Variants in CSNK2A1 observed in about 807,000 individuals in gnomAD.
CSNK2A1 encodes the protein casein kinase 2 alpha 1.
Under a neutral mutation model 62.9 loss-of-function variants are expected in CSNK2A1, and 10 were observed. That is an observed-to-expected ratio of 0.16 (90% CI 0.10 to 0.27). The LOEUF (loss-of-function observed/expected upper bound fraction) is 0.27. CSNK2A1 is among the 10% of genes least tolerant of loss of function. CSNK2A1 has a pLI of 1.00. For missense variants in CSNK2A1, 160 were observed against 492.0 expected (o/e 0.33, Z 6.38); for synonymous variants, 124 against 167.8 (o/e 0.74, Z 2.02).
intron 2 of CSNK2A1, among the ~76,000 whole-genome samples, chr20:522,838 T>C (rs1289358346): frequency 5.3e-5 from 8 of 152,060 alleles, no homozygotes; most frequent in African/African-American, 1.2e-4. Flanking sequence ...CCTAAGTAGC[T>C]AGGACTACAG....
At chr20:543,358 C>A (rs2122153352) in intron 1 of CSNK2A1, 1 of 190,020 alleles carries the variant, frequency 5.3e-6, no homozygotes, top group East Asian at 1.2e-4. Flanking sequence ...TCTGACGACC[C>A]CCTCCTCCAA....
intron 2 of CSNK2A1, among the ~76,000 whole-genome samples, chr20:516,503 G>A (rs2018831626): frequency 6.6e-6 from 1 of 152,060 alleles, no homozygotes; most frequent in Non-Finnish European, 1.5e-5. Context: ...AAACCATAAG[G>A]AAAAATTGTC....
At chr20:540,640 T>A (rs2019431047) in intron 1 of CSNK2A1, among the ~76,000 whole-genome samples, 1 of 152,166 alleles carries the variant, frequency 6.6e-6, no homozygotes, top group Non-Finnish European at 1.5e-5. Flanking sequence ...GCTCAAGCGA[T>A]CCTCCTGTGT....
At chr20:543,560 G>A (rs1288112981) in intron 1 of CSNK2A1, 112 bp downstream of exon 1, 4 of 396,662 alleles carry the variant, frequency 1.0e-5, no homozygotes, top group Admixed American at 4.4e-5. Context: ...GCAGGGGAAG[G>A]CGACGGGCCG....
At chr20:500,811 G>T (rs2018450788) in intron 4 of CSNK2A1, 1 of 151,820 alleles carries the variant, frequency 6.6e-6, no homozygotes, top group Non-Finnish European at 1.5e-5. Flanking sequence ...GCTAATTTTT[G>T]TATTTTTAGT....
At chr20:523,294 TCA>T (rs1236733781) in intron 2 of CSNK2A1, among the ~76,000 whole-genome samples, 7 of 152,142 alleles carry the variant, frequency 4.6e-5, no homozygotes, top group Admixed American at 4.6e-4. Context: ...GCAATCCAAC[TCA>T]CAGTTATTTA....
intron 1 of CSNK2A1, among the ~76,000 whole-genome samples, chr20:531,264 T>C (rs867013274): frequency 4.1e-4 from 62 of 152,288 alleles, no homozygotes; most frequent in Admixed American, 2.0e-3. Context: ...TCTTCATTCC[T>C]GCACTGACAA....
At chr20:510,553 A>ACAGCCATGATGC (rs2018697446) in intron 2 of CSNK2A1, among the ~76,000 whole-genome samples, 1 of 152,148 alleles carries the variant, frequency 6.6e-6, no homozygotes, top group Admixed American at 6.5e-5. Context: ...TCTACCCTAA[A>ACAGCCATGATGC]ATGATTCAGG....
At chr20:523,468 A>C (rs1240592443) in intron 2 of CSNK2A1, among the ~76,000 whole-genome samples, 1 of 152,256 alleles carries the variant, frequency 6.6e-6, no homozygotes, top group Non-Finnish European at 1.5e-5. Flanking sequence ...CTCAGTAATA[A>C]AAAGGAACTA....
chr20:512,384 G>T (rs1479540498), intron 2 of CSNK2A1, among the ~76,000 whole-genome samples: 4 of 151,926 alleles, frequency 2.6e-5, no homozygotes, highest in African/African-American at 7.3e-5. Context: ...TCCATTTTTT[G>T]ATTGGGTTGT....
chr20:541,427 T>A (rs1483434414), intron 1 of CSNK2A1, among the ~76,000 whole-genome samples: 1 of 152,178 alleles, frequency 6.6e-6, no homozygotes, highest in African/African-American at 2.4e-5. Context: ...AAGAAAATCA[T>A]CCCTTTCTTT....
At chr20:534,464 TC>T (rs2019271864) in intron 1 of CSNK2A1, among the ~76,000 whole-genome samples, 1 of 152,220 alleles carries the variant, frequency 6.6e-6, no homozygotes, top group South Asian at 2.1e-4. Context: ...GAAAAGCTTT[TC>T]TGTGTGGCTA....
chr20:486,424 T>C lies in CSNK2A1; in HGVS notation c.1012A>G (p.Ser338Gly). Residue 338 changes from serine to glycine, a missense_variant, in exon 13 of 14, where the codon AGC (serine) becomes GGC (glycine). Physicochemically the swap from Ser to Gly is moderately conservative, Grantham distance 56 (BLOSUM62 0). This residue lies in a region of CSNK2A1 where 51 missense variants were observed against 108.8 expected (regional missense o/e 0.47). Coordinates refer to ENST00000217244, the MANE Select transcript of CSNK2A1 (RefSeq NM_177559.3). ...ACGGGCGTACTGCCCCCTGGCATGC[T>C]AGATGAACCCATTCGAGCCTGGTCC... ...VKDQARMGSS[S>G]MPGGSTPVSS... 1 of 1,613,624 alleles carries C rather than the reference T, an allele frequency of 6.2e-7. No individual in the cohort carries two copies. Among genetic ancestry groups the C allele is most frequent in the Non-Finnish European group, 8.5e-7 (1 of 1,179,888 alleles).
chr20:504,980 G>A, intron 4 of CSNK2A1, 138 bp downstream of exon 4: 1 of 685,046 alleles, frequency 1.5e-6, no homozygotes, highest in Non-Finnish European at 2.4e-6. Flanking sequence ...TTGTTCTATT[G>A]AGTTCATAGG....
In CSNK2A1 at chr20:542,692, G is replaced by C. The variant is rs147406400; in HGVS notation, c.-227+980C>G. Among the ~76,000 whole-genome samples the C allele has an allele frequency of 7.1e-3, 1,082 of 152,210 alleles. 14 individuals are homozygous for C. Among genetic ancestry groups the C allele is most frequent in the African/African-American group, 0.025 (1,021 of 41,538 alleles). The stretch of plus-strand genomic sequence containing the variant: ...GTGATCCACCCGCCTCGGCCTCCCA[G>C]AGTGCTGGGATTACAGGCGTGAGCC... On this transcript the variant is annotated intron_variant, in intron 1 of 13. Transcript: ENST00000217244.
intron 2 of CSNK2A1, among the ~76,000 whole-genome samples, chr20:514,170 C>T (rs2018782162): frequency 6.6e-6 from 1 of 151,888 alleles, no homozygotes; most frequent in African/African-American, 2.4e-5. Flanking sequence ...ACAGCGAGAC[C>T]TCCTCTCTAC....
chr20:538,478 G>A (rs1292813631), intron 1 of CSNK2A1, among the ~76,000 whole-genome samples: 1 of 152,170 alleles, frequency 6.6e-6, no homozygotes, highest in African/African-American at 2.4e-5. Context: ...TAACTCAAAA[G>A]AAATGGTCTC....
intron 4 of CSNK2A1, chr20:504,026 A>G (rs1310143887): frequency 6.4e-6 from 1 of 156,834 alleles, no homozygotes; most frequent in Non-Finnish European, 1.4e-5. Context: ...AAAATTACAA[A>G]AATTAGCCGG....
intron 2 of CSNK2A1, among the ~76,000 whole-genome samples, chr20:521,819 C>A (rs2018955275): frequency 6.6e-6 from 1 of 152,180 alleles, no homozygotes; most frequent in Non-Finnish European, 1.5e-5. Context: ...AAACGTCTAG[C>A]CTCAAGTAAT....
Sources: allele counts gnomAD v4.1 joint callset (sites outside exome capture counted in the v4.1 genomes callset), GRCh38; gene constraint gnomAD v4.1.1; regional missense constraint gnomAD v4.1.1; transcripts MANE v1.5; gene names NCBI Gene and HGNC (gene_info 2026-07-23, HGNC 2026-07-21).